Variants in UBAP2L observed in about 807,000 individuals in gnomAD.
UBAP2L encodes the protein ubiquitin associated protein 2 like.
UBAP2L carries 12 observed loss-of-function variants against 130.6 expected under a neutral mutation model. The observed-to-expected ratio is 0.09, with a 90% CI of 0.06 to 0.15. The LOEUF (loss-of-function observed/expected upper bound fraction) is 0.15, where lower values mean the gene tolerates loss of function less well. UBAP2L is among the 10% of genes least tolerant of loss of function. The pLI is 1.00. For synonymous variants in UBAP2L, 503 were observed against 524.7 expected, an observed-to-expected ratio of 0.96 and a Z score of 0.57; for missense variants, 965 against 1,332.5, an observed-to-expected ratio of 0.72 and a Z score of 4.29.
upstream of UBAP2L, chr1:154,220,284 G>A (rs1468441647): frequency 6.3e-7 from 1 of 1,595,016 alleles, no homozygotes; most frequent in Non-Finnish European, 8.6e-7. Flanking sequence ...CAGCTCAAAA[G>A]GAGGGTCTCT....
At chr1:154,270,169 T>C (rs779007594) in intron 26 of UBAP2L, 31 bp from the exon 27 acceptor site, 1 of 1,551,924 alleles carries the variant, frequency 6.4e-7, no homozygotes, top group Non-Finnish European at 8.7e-7. Context: ...GACACCTTTT[T>C]CCTCCTCATG....
chr1:154,264,723 G>A (rs916493456), intron 24 of UBAP2L, among the ~76,000 whole-genome samples: 4 of 152,178 alleles, frequency 2.6e-5, no homozygotes, highest in Non-Finnish European at 5.9e-5. Flanking sequence ...CCTCACTGCA[G>A]AAGGTGACCA....
intron 22 of UBAP2L, among the ~76,000 whole-genome samples, chr1:154,260,619 A>G (rs1368152582): frequency 6.6e-6 from 1 of 152,232 alleles, no homozygotes; most frequent in Non-Finnish European, 1.5e-5. Context: ...GAAAGAGAAC[A>G]CAAGTGGGCA....
chr1:154,265,914 CAT>C (rs1274291139), intron 24 of UBAP2L, among the ~76,000 whole-genome samples: 1 of 152,160 alleles, frequency 6.6e-6, no homozygotes, highest in Non-Finnish European at 1.5e-5. Context: ...TAGACCTTTA[CAT>C]CTTAAGTTTG....
At chr1:154,254,608 T>C (rs140735782) in intron 15 of UBAP2L, 160 of 567,946 alleles carry the variant, frequency 2.8e-4, no homozygotes, top group Non-Finnish European at 3.1e-4. Flanking sequence ...TTTCCTTCTT[T>C]TGCTTTTGGT....
intron 6 of UBAP2L, among the ~76,000 whole-genome samples, chr1:154,236,031 T>C (rs1355303778): frequency 6.6e-6 from 1 of 152,164 alleles, no homozygotes; most frequent in African/African-American, 2.4e-5. Context: ...CTCTAGTCTT[T>C]ATTGCTAGTA....
chr1:154,220,326 G>A (rs755890291), upstream of UBAP2L: 11 of 1,613,912 alleles, frequency 6.8e-6, no homozygotes, highest in South Asian at 1.1e-5. Flanking sequence ...GGAATGGGGT[G>A]GGGTAATCTC....
chr1:154,224,227 T>C (rs1284157350), intron 1 of UBAP2L, among the ~76,000 whole-genome samples: 22 of 152,220 alleles, frequency 1.4e-4, no homozygotes, highest in Non-Finnish European at 1.8e-4. Context: ...TTTAAAATGA[T>C]TTCTTAGAAG....
chr1:154,243,025 C>G, intron 9 of UBAP2L, 192 bp from the exon 10 acceptor site: 1 of 442,314 alleles, frequency 2.3e-6, no homozygotes, highest in Non-Finnish European at 4.1e-6. Context: ...TGCTTCTACT[C>G]TTTCTTTGGC....
At chr1:154,228,850 C>T in intron 4 of UBAP2L, 125 bp downstream of exon 4, 1 of 602,104 alleles carries the variant, frequency 1.7e-6, no homozygotes, top group Non-Finnish European at 2.8e-6. Flanking sequence ...AAGTTGGGAA[C>T]TTTCTTGGAG....
chr1:154,253,823 G>T, intron 14 of UBAP2L, 77 bp from the exon 15 acceptor site: 9 of 1,414,590 alleles, frequency 6.4e-6, no homozygotes, highest in Non-Finnish European at 8.7e-6. Flanking sequence ...TCCACTAGTA[G>T]ATCTCCACGA....
intron 4 of UBAP2L, among the ~76,000 whole-genome samples, chr1:154,232,425 T>A (rs1217866914): frequency 6.6e-6 from 1 of 152,180 alleles, no homozygotes; most frequent in Non-Finnish European, 1.5e-5. Flanking sequence ...AAGGTATGCA[T>A]TTTTTTAAAA....
In UBAP2L at chr1:154,246,317, C is replaced by G. The variant is rs1425349388; in HGVS notation, c.956C>G (p.Ser319Trp). Residue 319 changes from serine (S) to tryptophan (W), a missense_variant, in exon 11 of 27, where the codon TCG becomes TGG. Physicochemically the swap from Ser to Trp is radical, Grantham distance 177 (BLOSUM62 -3). Coordinates refer to ENST00000428931, the MANE Select transcript of UBAP2L (RefSeq NM_014847.4). The stretch of plus-strand genomic sequence containing the variant: ...GCCCAGCCTCTGGTGTTCAGTAATT[C>G]GAAGCAGACTGCCATATCACAGCCT... ...SLAQPLVFSN[S>W]KQTAISQPAS... 6.2e-7 allele frequency: 1 copy of G among 1,613,548 alleles called. No homozygotes were observed. Among genetic ancestry groups the G allele is most frequent in the Non-Finnish European group, 8.5e-7 (1 of 1,179,882 alleles).
chr1:154,237,309 A>G (rs1672002724), intron 8 of UBAP2L, among the ~76,000 whole-genome samples, 173 bp downstream of exon 8: 1 of 152,246 alleles, frequency 6.6e-6, no homozygotes, highest in African/African-American at 2.4e-5. Context: ...GCATATGGGC[A>G]CATTACACAT....
Position 154,270,345 on chromosome 1 carries a change from C to T in UBAP2L, c.*50C>T, listed in dbSNP as rs1426477634. ...CCATCTTCTGAGAGGGCTTCTCAGC[C>T]TGGAAACTATGGAAACAGCATCAAA... On this transcript the variant is annotated 3_prime_UTR_variant, in exon 27 of 27. Transcript: ENST00000428931. 2 of 1,612,456 alleles carry T rather than the reference C, an allele frequency of 1.2e-6. No homozygotes were observed. Among genetic ancestry groups the T allele is most frequent in the Non-Finnish European group, 8.5e-7 (1 of 1,179,512 alleles).
intron 25 of UBAP2L, among the ~76,000 whole-genome samples, chr1:154,267,906 T>TTTTTTTTTTTTTTTTTTA (rs1683806354): frequency 7.4e-6 from 1 of 135,896 alleles, no homozygotes; most frequent in East Asian, 2.0e-4. Flanking sequence ...TTTTTTTTTT[T>TTTTTTTTTTTTTTTTTTA]GAGACGGAGT....
intron 4 of UBAP2L, 82 bp from the exon 5 acceptor site, chr1:154,234,509 C>T (rs74613943): frequency 5.4e-6 from 8 of 1,475,246 alleles, no homozygotes; most frequent in Non-Finnish European, 7.5e-6. Flanking sequence ...ATGGTTAAGT[C>T]AATCAGTCAT....
upstream of UBAP2L, chr1:154,220,222 A>T: frequency 8.2e-7 from 1 of 1,223,416 alleles, no homozygotes; most frequent in Non-Finnish European, 1.2e-6. Context: ...TGGAATAAGG[A>T]GTCAAAGCCC....
intron 14 of UBAP2L, among the ~76,000 whole-genome samples, chr1:154,252,916 G>T (rs1263733342): frequency 6.6e-6 from 1 of 152,094 alleles, no homozygotes; most frequent in East Asian, 1.9e-4. Flanking sequence ...AAATGAGTGT[G>T]AACAAAAGAT....
Sources: gnomAD v4.1 joint callset for allele counts (sites outside exome capture counted in the v4.1 genomes callset) on GRCh38, gnomAD v4.1.1 for gene constraint, MANE v1.5 for transcripts, NCBI Gene and HGNC (gene_info 2026-07-23, HGNC 2026-07-21) for gene names.